Variants in ATOSA observed in about 807,000 individuals in gnomAD.
The protein encoded by ATOSA is atos homolog A, also known as atos homolog protein A.
the ATOSA span, among the ~76,000 whole-genome samples, chr15:52,659,204 G>A: frequency 3.9e-5 from 6 of 152,146 alleles, no homozygotes; most frequent in African/African-American, 1.4e-4. Flanking sequence ...AAGTTTCTGA[G>A]GGCAGAGGCC....
At chr15:52,679,732 G>A in the ATOSA span, among the ~76,000 whole-genome samples, 240 of 149,658 alleles carry the variant, frequency 1.6e-3, 3 homozygotes, top group South Asian at 0.012. Flanking sequence ...TGCCCCAGAC[G>A]TGGAGGATAA....
chr15:52,637,437 C>T, the ATOSA span, among the ~76,000 whole-genome samples: 4 of 152,160 alleles, frequency 2.6e-5, no homozygotes, highest in Non-Finnish European at 5.9e-5. Context: ...TTTGCTCGTC[C>T]TCTTAAGTTT....
At chr15:52,614,525 A>C in the ATOSA span, among the ~76,000 whole-genome samples, 73 of 152,116 alleles carry the variant, frequency 4.8e-4, no homozygotes, top group African/African-American at 1.7e-3. Flanking sequence ...ATTCAGAGAT[A>C]TCTATTGTTA....
chr15:52,652,127 C>G, the ATOSA span: 1 of 1,310,524 alleles, frequency 7.6e-7, no homozygotes, highest in Non-Finnish European at 9.9e-7. Flanking sequence ...TCAACCTCCC[C>G]TGCTCGCTAG....
At chr15:52,641,340 C>T in the ATOSA span, among the ~76,000 whole-genome samples, 1 of 152,222 alleles carries the variant, frequency 6.6e-6, no homozygotes, top group Non-Finnish European at 1.5e-5. Context: ...TGAATAGTAA[C>T]CAAGAGCCCC....
chr15:52,609,421 G>T, the ATOSA span: 1 of 1,613,684 alleles, frequency 6.2e-7, no homozygotes, highest in Non-Finnish European at 8.5e-7. Flanking sequence ...TGATGCTGTT[G>T]GATCAATGTG....
chr15:52,704,249 T>C, the ATOSA span, among the ~76,000 whole-genome samples: 1,590 of 152,054 alleles, frequency 0.01, 9 homozygotes, highest in African/African-American at 0.032. Context: ...AAAACAAGCA[T>C]TGGGGAGAGG....
chr15:52,690,256 A>T, the ATOSA span, among the ~76,000 whole-genome samples: 12 of 152,334 alleles, frequency 7.9e-5, no homozygotes, highest in South Asian at 2.1e-4. Context: ...GACATGTACT[A>T]GCATTAGGAA....
chr15:52,666,003 C>T, the ATOSA span, among the ~76,000 whole-genome samples: 1 of 152,118 alleles, frequency 6.6e-6, no homozygotes, highest in Non-Finnish European at 1.5e-5. Context: ...TATGTACGTA[C>T]ATTTACAGAC....
At chr15:52,645,176 T>A in the ATOSA span, among the ~76,000 whole-genome samples, 1 of 152,222 alleles carries the variant, frequency 6.6e-6, no homozygotes, top group Non-Finnish European at 1.5e-5. Context: ...CAGTGGCTCA[T>A]GCCTGTAATC....
the ATOSA span, among the ~76,000 whole-genome samples, chr15:52,632,845 C>A: frequency 6.6e-6 from 1 of 152,148 alleles, no homozygotes; most frequent in East Asian, 1.9e-4. Context: ...AATCTTCCCC[C>A]TTTAAGAAAT....
the ATOSA span, among the ~76,000 whole-genome samples, chr15:52,627,387 A>G: frequency 6.6e-6 from 1 of 152,210 alleles, no homozygotes; most frequent in African/African-American, 2.4e-5. Context: ...AAACTCTATT[A>G]GTACAGGGGC....
the ATOSA span, chr15:52,587,422 A>G: frequency 1.1e-5 from 5 of 469,608 alleles, no homozygotes; most frequent in East Asian, 1.8e-4. Context: ...GTCGCTATAA[A>G]GAATATATAA....
chr15:52,586,893 G>A, the ATOSA span: 1 of 440,758 alleles, frequency 2.3e-6, no homozygotes, highest in Non-Finnish European at 3.7e-6. Flanking sequence ...AATATGTATT[G>A]AAGAGTCCTA....
chr15:52,667,475 T>C, the ATOSA span, among the ~76,000 whole-genome samples: 4 of 152,218 alleles, frequency 2.6e-5, no homozygotes, highest in African/African-American at 9.7e-5. Flanking sequence ...AAGTATTAGA[T>C]TGAATGCAGT....
At chr15:52,646,829 T>G in the ATOSA span, among the ~76,000 whole-genome samples, 1 of 152,220 alleles carries the variant, frequency 6.6e-6, no homozygotes, top group Non-Finnish European at 1.5e-5. Flanking sequence ...TATGTGTACA[T>G]AAATATAGAT....
the ATOSA span, chr15:52,609,325 A>G: frequency 3.3e-5 from 53 of 1,614,012 alleles, no homozygotes; most frequent in African/African-American, 5.9e-4. Context: ...TTTCTTCAAC[A>G]AATTTTTGTC....
At chr15:52,676,977 T>G in the ATOSA span, among the ~76,000 whole-genome samples, 1 of 152,186 alleles carries the variant, frequency 6.6e-6, no homozygotes, top group Non-Finnish European at 1.5e-5. Flanking sequence ...TGCTGCCTGA[T>G]TGTATGTAAT....
the ATOSA span, among the ~76,000 whole-genome samples, chr15:52,674,340 C>T: frequency 2.0e-5 from 3 of 152,156 alleles, no homozygotes; most frequent in East Asian, 1.9e-4. Flanking sequence ...CATGAGCCAC[C>T]GCAACAGGCC....
Sources: gnomAD v4.1 joint callset for allele counts (sites outside exome capture counted in the v4.1 genomes callset) on GRCh38, gnomAD v4.1.1 for gene constraint, MANE v1.5 for transcripts, NCBI Gene and HGNC (gene_info 2026-07-23, HGNC 2026-07-21) for gene names.